The following CEP170 variants were observed in gnomAD, a reference collection of about 807,000 sequenced individuals.
The protein encoded by CEP170 is centrosomal protein of 170 kDa.
In CEP170, 21 loss-of-function variants were observed where a neutral mutation model predicts 151.9. The observed-to-expected ratio is 0.14, with a 90% CI of 0.10 to 0.20. CEP170 has a LOEUF of 0.20. Ranked by LOEUF, CEP170 falls within the 10% of genes least tolerant of loss-of-function variation. The probability of loss-of-function intolerance (pLI) is 1.00; values close to 1 mark genes in which losing one functional copy is unlikely to be tolerated. For synonymous variants in CEP170, 356 were observed against 648.8 expected, an observed-to-expected ratio of 0.55 and a Z score of 6.86; for missense variants, 964 against 1,892.9, an observed-to-expected ratio of 0.51 and a Z score of 9.11.
chr1:243,161,783 A>T (rs1051867152), intron 13 of CEP170, among the ~76,000 whole-genome samples: 4 of 152,192 alleles, frequency 2.6e-5, no homozygotes, highest in Non-Finnish European at 5.9e-5. Flanking sequence ...AGCAACACTG[A>T]TCGGCATGAT....
At chr1:243,232,652 C>T (rs1176230468) in intron 1 of CEP170, among the ~76,000 whole-genome samples, 3 of 152,150 alleles carry the variant, frequency 2.0e-5, no homozygotes, top group Admixed American at 6.5e-5. Context: ...CTGCGGAATC[C>T]AGACACTCTG....
At chr1:243,239,241 C>T (rs993103093) in intron 1 of CEP170, among the ~76,000 whole-genome samples, 8 of 152,268 alleles carry the variant, frequency 5.3e-5, no homozygotes, top group Admixed American at 1.3e-4. Flanking sequence ...CCCGTCTTAG[C>T]GAATGGCATC....
chr1:243,153,151 T>C (rs2057265052), intron 14 of CEP170, among the ~76,000 whole-genome samples: 1 of 152,220 alleles, frequency 6.6e-6, no homozygotes, highest in African/African-American at 2.4e-5. Flanking sequence ...GAGTTAGAAG[T>C]GAAGCCTGAA....
At position 243,226,494 on chromosome 1, in the gene CEP170, CTATATAA is replaced by C. The variant is rs2063313424; in HGVS notation, c.-41-1180_-41-1174del. On this transcript the variant is annotated intron_variant, in intron 1 of 19. Transcript: ENST00000366542. The stretch of plus-strand genomic sequence containing the variant: ...ATTGCCATATACTGCTTAACTTGAA[CTATATAA>C]AGAAAACCTGGCTTCATACACATAA... Among the ~76,000 whole-genome samples the C allele has an allele frequency of 2.0e-5, 3 of 151,886 alleles. No individual in the cohort carries two copies. In the South Asian group the frequency reaches 6.2e-4, roughly 31 times the overall value.
At chr1:243,246,504 T>C (rs911122896) in intron 1 of CEP170, among the ~76,000 whole-genome samples, 1 of 152,174 alleles carries the variant, frequency 6.6e-6, no homozygotes, top group East Asian at 1.9e-4. Flanking sequence ...AGTGCTGGGA[T>C]TACAGGCATG....
At chr1:243,254,028 A>C (rs890878854) in intron 1 of CEP170, among the ~76,000 whole-genome samples, 2 of 152,070 alleles carry the variant, frequency 1.3e-5, no homozygotes, top group Non-Finnish European at 2.9e-5. Context: ...TACCTGCCCA[A>C]TGAAAAAACA....
At chr1:243,210,919 G>A (rs895025770) in intron 4 of CEP170, among the ~76,000 whole-genome samples, 1 of 151,780 alleles carries the variant, frequency 6.6e-6, no homozygotes, top group African/African-American at 2.4e-5. Flanking sequence ...CACAGCACCT[G>A]GACTATTTCT....
At chr1:243,252,432 G>A (rs1414617075) in intron 1 of CEP170, among the ~76,000 whole-genome samples, 1 of 151,952 alleles carries the variant, frequency 6.6e-6, no homozygotes, top group South Asian at 2.1e-4. Flanking sequence ...ACAATATTTA[G>A]TACTAGATGA....
intron 7 of CEP170, among the ~76,000 whole-genome samples, chr1:243,195,789 T>C (rs1396384443): frequency 2.0e-5 from 3 of 152,072 alleles, no homozygotes; most frequent in African/African-American, 7.2e-5. Flanking sequence ...CTTCATAAAT[T>C]ATTACAAGAC....
At position 243,185,186 on chromosome 1, in the gene CEP170, T is replaced by G. The variant is rs2059865888; in HGVS notation, c.1566+593A>C. Among the ~76,000 whole-genome samples the G allele has an allele frequency of 6.6e-6, 1 of 152,160 alleles. No individual in the cohort carries two copies. On this transcript the variant is annotated intron_variant, in intron 10 of 19. Coordinates refer to ENST00000366542, the MANE Select transcript of CEP170 (RefSeq NM_014812.3). This position sits in a 1 kb window ranked among gnomAD's most constrained non-coding sequence, Gnocchi z 4.9. ...AATATCAAAGAATACACTTGAAATGTAGGTAACTATCACGACTGGTCATAT... is the reference window on the plus strand; with the variant it reads ...AATATCAAAGAATACACTTGAAATGGAGGTAACTATCACGACTGGTCATAT...
intron 14 of CEP170, among the ~76,000 whole-genome samples, chr1:243,144,196 T>A (rs1165393979): frequency 1.3e-5 from 2 of 152,212 alleles, no homozygotes; most frequent in Non-Finnish European, 2.9e-5. Flanking sequence ...CATTATAATA[T>A]GATGAGTACA....
chr1:243,215,106 G>T (rs2062148805), intron 3 of CEP170, among the ~76,000 whole-genome samples: 2 of 152,046 alleles, frequency 1.3e-5, no homozygotes, highest in African/African-American at 4.8e-5. Context: ...AGATTTCATG[G>T]ACATTTTATC....
intron 11 of CEP170, among the ~76,000 whole-genome samples, chr1:243,170,321 G>C: frequency 6.6e-6 from 1 of 152,058 alleles, no homozygotes; most frequent in African/African-American, 2.4e-5. Flanking sequence ...GGAGGTGGAG[G>C]TTGCAGTGAG....
chr1:243,155,497 A>G (rs1367341951), intron 14 of CEP170, among the ~76,000 whole-genome samples: 1 of 152,138 alleles, frequency 6.6e-6, no homozygotes, highest in Non-Finnish European at 1.5e-5. Flanking sequence ...TAGGTAACAT[A>G]TGGTATACTG....
At chr1:243,227,324 C>G (rs2063380278) in intron 1 of CEP170, among the ~76,000 whole-genome samples, 1 of 151,736 alleles carries the variant, frequency 6.6e-6, no homozygotes, top group Admixed American at 6.6e-5. Flanking sequence ...CGTTGTCTGT[C>G]AAACACCCAA....
chr1:243,239,215 C>CT (rs1363447537), intron 1 of CEP170, among the ~76,000 whole-genome samples: 2 of 152,104 alleles, frequency 1.3e-5, no homozygotes, highest in African/African-American at 4.8e-5. Flanking sequence ...CGAAATGTGC[C>CT]TTTTTTCCTG....
At chr1:243,180,546 C>G (rs1463148238) in intron 10 of CEP170, among the ~76,000 whole-genome samples, 1 of 152,220 alleles carries the variant, frequency 6.6e-6, no homozygotes, top group African/African-American at 2.4e-5. Flanking sequence ...AAGGCTCTCA[C>G]TTGATCTCCT....
At chr1:243,129,699 C>G (rs1428198222) in intron 17 of CEP170, among the ~76,000 whole-genome samples, 2 of 151,936 alleles carry the variant, frequency 1.3e-5, no homozygotes, top group African/African-American at 4.8e-5. Context: ...TTATTGAAAA[C>G]AAAATATAAA....
At chr1:243,141,868 A>G (rs925147516) in intron 15 of CEP170, among the ~76,000 whole-genome samples, 1 of 152,228 alleles carries the variant, frequency 6.6e-6, no homozygotes, top group African/African-American at 2.4e-5. Context: ...ATTTATCAAC[A>G]GAATTATTAA....
Sources: allele counts gnomAD v4.1 joint callset (sites outside exome capture counted in the v4.1 genomes callset), GRCh38; gene constraint gnomAD v4.1.1; non-coding constraint Gnocchi (gnomAD v3.1); transcripts MANE v1.5; gene names NCBI Gene and HGNC (gene_info 2026-07-23, HGNC 2026-07-21).